The following ITPKB variants were observed in gnomAD, a reference collection of about 807,000 sequenced individuals.
ITPKB encodes inositol-trisphosphate 3-kinase B.
Under a neutral mutation model 69.4 loss-of-function variants are expected in ITPKB, and 13 were observed. The ratio of observed to expected loss-of-function variants is 0.19; its 90% CI spans 0.12 to 0.30. ITPKB has a LOEUF of 0.30. Among genes scored for constraint, ITPKB ranks in the 10% least tolerant of loss-of-function variants. The probability of loss-of-function intolerance (pLI) is 1.00; values close to 1 mark genes in which losing one functional copy is unlikely to be tolerated. For missense variants in ITPKB, 1,240 were observed against 1,250.5 expected (o/e 0.99, Z 0.13); for synonymous variants, 584 against 513.7 (o/e 1.14, Z -1.85).
rs1266736777 is a variant in ITPKB at position 226,735,550 on chromosome 1, G to C, written c.1909C>G (p.Leu637Val). 6.5e-7 allele frequency: 1 copy of C among 1,538,904 alleles called. No individual in the cohort carries two copies. The highest frequency in any genetic ancestry group is 8.8e-7 in the Non-Finnish European group (1 of 1,141,928). ...ACCACTCTAGGTTTCTGCTGGTCCA[G>C]GGTATGCAGGAAGGCTGAGTTGGGG... ...LDPNSAFLHT[L>V]DQQKPRVSKS... The change falls in exon 2 of 8, where the codon CTG becomes GTG. Residue 637 changes from leucine (L) to valine (V), a missense_variant. This residue lies in a region of ITPKB where 992 missense variants were observed against 853.8 expected (regional missense o/e 1.16). Coordinates refer to ENST00000429204, the MANE Select transcript of ITPKB (RefSeq NM_002221.4).
intron 4 of ITPKB, among the ~76,000 whole-genome samples, chr1:226,643,786 C>T (rs1005500710): frequency 1.3e-5 from 2 of 152,044 alleles, no homozygotes; most frequent in African/African-American, 2.4e-5. Flanking sequence ...CCCTTGCATG[C>T]ACACACAACC....
chr1:226,702,487 G>A lies in ITPKB; in HGVS notation c.1932+33040C>T, dbSNP rs564504402. Among the ~76,000 whole-genome samples the A allele has an allele frequency of 3.9e-5, 6 of 152,042 alleles. No individual in the cohort carries two copies. In the South Asian group the frequency reaches 8.3e-4, roughly 21 times the overall value. On this transcript the variant is annotated intron_variant, in intron 2 of 7. Coordinates refer to ENST00000429204, the MANE Select transcript of ITPKB (RefSeq NM_002221.4). ...CAGAAAAAGGATTCCCTTCTGCAGC[G>A]CTGCCTATCCTCTTCTGATGACCTC...
chr1:226,673,128 T>C (rs1410427677), intron 2 of ITPKB, among the ~76,000 whole-genome samples: 2 of 152,126 alleles, frequency 1.3e-5, no homozygotes, highest in African/African-American at 2.4e-5. Flanking sequence ...TCCCAACACT[T>C]TGGGAGGCTG....
chr1:226,669,423 G>C (rs1254896644), intron 2 of ITPKB, among the ~76,000 whole-genome samples: 1 of 152,066 alleles, frequency 6.6e-6, no homozygotes, highest in Non-Finnish European at 1.5e-5. Flanking sequence ...TGTACTCCTG[G>C]TGTAAAATAT....
rs1039508638 is a variant in ITPKB, at chr1:226,687,902, G to C, written c.1933-39131C>G. 3.3e-5 allele frequency among the ~76,000 whole-genome samples: 5 copies of C among 152,182 alleles called. No homozygotes were observed. The East Asian group carries it at 5.8e-4, about 18-fold the overall frequency. On this transcript the variant is annotated intron_variant, in intron 2 of 7. Transcript: ENST00000429204. ...CTCAAGGAGCTCACCAACTTCCCCAGGTGTCTGGGGAGGAGGAAAGAGCAG... is the reference window on the plus strand; with the variant it reads ...CTCAAGGAGCTCACCAACTTCCCCACGTGTCTGGGGAGGAGGAAAGAGCAG...
At chr1:226,717,713 C>T (rs2102641368) in intron 2 of ITPKB, among the ~76,000 whole-genome samples, 1 of 152,340 alleles carries the variant, frequency 6.6e-6, no homozygotes, top group Non-Finnish European at 1.5e-5. Flanking sequence ...GGGCAGGGGC[C>T]GCCGTCCGGG....
At chr1:226,730,016 G>A (rs1324543463) in intron 2 of ITPKB, among the ~76,000 whole-genome samples, 1 of 152,176 alleles carries the variant, frequency 6.6e-6, no homozygotes, top group Non-Finnish European at 1.5e-5. Context: ...GTTTACTCCT[G>A]GAAAAATGGA....
At chr1:226,683,306 C>T (rs1426341019) in intron 2 of ITPKB, among the ~76,000 whole-genome samples, 1 of 152,206 alleles carries the variant, frequency 6.6e-6, no homozygotes, top group Non-Finnish European at 1.5e-5. Flanking sequence ...CTCCTTTCTC[C>T]CCTAACACCT....
At chr1:226,684,669 G>T (rs1656161018) in intron 2 of ITPKB, among the ~76,000 whole-genome samples, 2 of 152,176 alleles carry the variant, frequency 1.3e-5, no homozygotes, top group Non-Finnish European at 2.9e-5. Flanking sequence ...ATGATTGCAT[G>T]CAAAGATCTC....
At chr1:226,684,143 G>C (rs1027653355) in intron 2 of ITPKB, among the ~76,000 whole-genome samples, 2 of 152,102 alleles carry the variant, frequency 1.3e-5, no homozygotes, top group East Asian at 3.9e-4. Flanking sequence ...CTCACCTTTC[G>C]CATGCAGTAC....
intron 2 of ITPKB, among the ~76,000 whole-genome samples, chr1:226,702,353 A>C (rs2102631432): frequency 6.7e-6 from 1 of 150,238 alleles, no homozygotes. Flanking sequence ...AGCGGACATC[A>C]CGCCACTACA....
At chr1:226,703,620 G>A (rs1392758009) in intron 2 of ITPKB, among the ~76,000 whole-genome samples, 1 of 152,222 alleles carries the variant, frequency 6.6e-6, no homozygotes, top group Non-Finnish European at 1.5e-5. Flanking sequence ...CACGTGACGG[G>A]AAGGCGGCCG....
chr1:226,634,648 G>T lies in ITPKB; in HGVS notation c.*23C>A, dbSNP rs1415234024. 1 of 772,182 alleles carries T rather than the reference G, an allele frequency of 1.3e-6. No homozygotes were observed. The highest frequency in any genetic ancestry group is 1.7e-5 in the African/African-American group (1 of 59,118). 47.8% of individuals were successfully genotyped at this position (772,182 alleles called of 1,614,324 possible). A position where few individuals can be genotyped will look rare whatever the true frequency, so the allele number is the denominator to read the frequency against. On this transcript the variant is annotated 3_prime_UTR_variant, in exon 8 of 8. Transcript: ENST00000429204. This position sits in a 1 kb window ranked among gnomAD's most constrained non-coding sequence, Gnocchi z 6.3. ...GGAGGAGGAAAGGAGGCCCAGGCGG[G>T]GGCCAGGGAGGGCGTGGGCAGCTCA...
rs1656804371 is a variant in ITPKB, at chr1:226,706,486, G to T, written c.1932+29041C>A. On this transcript the variant is annotated intron_variant, in intron 2 of 7. Coordinates refer to ENST00000429204, the MANE Select transcript of ITPKB (RefSeq NM_002221.4). ...GGGCTAGGATCTAGACAGGCTTCTT[G>T]TTATCAATGTCCTGAAAGGGCAACA... 3.3e-5 allele frequency among the ~76,000 whole-genome samples: 5 copies of T among 152,188 alleles called. No homozygotes were observed. The South Asian group carries it at 8.3e-4, about 25-fold the overall frequency.
At chr1:226,725,333 T>C (rs1485119804) in intron 2 of ITPKB, among the ~76,000 whole-genome samples, 2 of 151,888 alleles carry the variant, frequency 1.3e-5, no homozygotes, top group Non-Finnish European at 2.9e-5. Flanking sequence ...CAAAGTGCAC[T>C]TCTCAAAGTG....
rs527494215 is a variant in ITPKB at position 226,711,202 on chromosome 1, C to T, written c.1932+24325G>A. Among the ~76,000 whole-genome samples the T allele has an allele frequency of 1.1e-4, 17 of 152,266 alleles. No homozygotes were observed. In the South Asian group the frequency reaches 3.3e-3, roughly 30 times the overall value. On this transcript the variant is annotated intron_variant, in intron 2 of 7. Coordinates refer to ENST00000429204, the MANE Select transcript of ITPKB (RefSeq NM_002221.4). The stretch of plus-strand genomic sequence containing the variant: ...GGACAAAAAAAATGAAAATTCTTCA[C>T]TTAAAAAAATTTGGCCAACACCATG...
chr1:226,658,017 A>G (rs1487053235), intron 2 of ITPKB, among the ~76,000 whole-genome samples: 1 of 152,240 alleles, frequency 6.6e-6, no homozygotes, highest in Non-Finnish European at 1.5e-5. Flanking sequence ...CATCTAACAA[A>G]GCGTCGAAAG....
chr1:226,711,403 G>GAA (rs1193648917), intron 2 of ITPKB, among the ~76,000 whole-genome samples: 3 of 92,474 alleles, frequency 3.2e-5, no homozygotes, highest in Non-Finnish European at 6.5e-5. Flanking sequence ...AGGGTGTTTT[G>GAA]AAAGAGAGAG....
intron 2 of ITPKB, among the ~76,000 whole-genome samples, chr1:226,734,014 G>A (rs1473290009): frequency 6.6e-6 from 1 of 152,230 alleles, no homozygotes; most frequent in Non-Finnish European, 1.5e-5. Flanking sequence ...GCAACTGGGA[G>A]GGATGGGACG....
Sources: gnomAD v4.1 joint callset for allele counts (sites outside exome capture counted in the v4.1 genomes callset) on GRCh38, gnomAD v4.1.1 for gene constraint, gnomAD v4.1.1 regional missense constraint, Gnocchi (gnomAD v3.1) non-coding constraint, MANE v1.5 for transcripts, NCBI Gene and HGNC (gene_info 2026-07-23, HGNC 2026-07-21) for gene names.